Variants in CROCC observed in about 807,000 individuals in gnomAD.
The protein encoded by CROCC is rootletin.
CROCC carries 180 observed loss-of-function variants against 245.2 expected under a neutral mutation model. The ratio of observed to expected loss-of-function variants is 0.73; its 90% CI spans 0.65 to 0.83. The LOEUF is 0.83. Among genes scored for constraint, CROCC ranks in the 40% least tolerant of loss-of-function variants. The probability of loss-of-function intolerance (pLI) is 0.00; values close to 1 mark genes in which losing one functional copy is unlikely to be tolerated. For synonymous variants in CROCC, 1,205 were observed against 1,241.6 expected (o/e 0.97, Z 0.62); for missense variants, 2,688 against 2,779.4 (o/e 0.97, Z 0.74).
chr1:16,914,447 G>A (rs1231397953), intron 1 of CROCC, among the ~76,000 whole-genome samples: 2 of 152,274 alleles, frequency 1.3e-5, no homozygotes, highest in African/African-American at 2.4e-5. Context: ...GCGGCCGTGG[G>A]AGGCCCTCGC....
upstream of CROCC, among the ~76,000 whole-genome samples, chr1:16,917,489 A>AG (rs1282743375): frequency 1.3e-5 from 2 of 151,628 alleles, no homozygotes; most frequent in African/African-American, 4.8e-5. Context: ...GCAAGTTTGG[A>AG]GGGTGGTAGT....
chr1:16,947,625 G>A (rs1441398632), intron 17 of CROCC, among the ~76,000 whole-genome samples: 1 of 152,196 alleles, frequency 6.6e-6, no homozygotes, highest in Non-Finnish European at 1.5e-5. Context: ...GTCTATCCTG[G>A]AGCGCCTAGG....
In CROCC at chr1:16,924,495, G is replaced by A. The variant is rs1418519365; in HGVS notation, c.351+16G>A. ...CAGCGAGAGGGTGGGTGCCGCCCAG[G>A]TGGTGGACTAGGCCAGGGTTCCCCT... On this transcript the variant is annotated intron_variant, in intron 3 of 36. Transcript: ENST00000375541. The A allele has an allele frequency of 3.1e-6, 5 of 1,608,102 alleles. No individual in the cohort carries two copies. Among genetic ancestry groups the A allele is most frequent in the East Asian group, 4.5e-5 (2 of 44,782 alleles).
chr1:16,928,383 G>T (rs1394934516), intron 3 of CROCC, among the ~76,000 whole-genome samples: 1 of 152,282 alleles, frequency 6.6e-6, no homozygotes, highest in East Asian at 1.9e-4. Flanking sequence ...TCTATGGCTG[G>T]TAGGGACAGC....
At chr1:16,922,263 C>T (rs1272532521) in intron 1 of CROCC, among the ~76,000 whole-genome samples, 185 bp downstream of exon 1, 1 of 152,232 alleles carries the variant, frequency 6.6e-6, no homozygotes, top group East Asian at 1.9e-4. Context: ...ACAGGGTGCA[C>T]CTGCTGTGGC....
At position 16,970,357 on chromosome 1, in the gene CROCC, C is replaced by T. The variant is rs369288016; in HGVS notation, c.5556C>T (p.Arg1852=). The T allele has an allele frequency of 3.8e-5, 61 of 1,595,988 alleles. No homozygotes were observed. Among genetic ancestry groups the T allele is most frequent in the African/African-American group, 3.6e-4 (27 of 74,744 alleles). The change falls in exon 34 of 37, where the codon CGC becomes CGT. Residue 1852 remains arginine (R), a synonymous_variant. Coordinates refer to ENST00000375541, the MANE Select transcript of CROCC (RefSeq NM_014675.5). ...AGGAGCGCCTGGGAAGCCTGCAGCGCGCCCTGGCTCAGCTGGAAGCTGAGA... is the reference window on the plus strand; with the variant it reads ...AGGAGCGCCTGGGAAGCCTGCAGCGTGCCCTGGCTCAGCTGGAAGCTGAGA... ...LLQERLGSLQ[R]ALAQLEAEKR... is the part of the protein sequence containing the mutation.
chr1:16,955,287 C>T, intron 23 of CROCC, 25 bp from the exon 24 acceptor site: 1 of 1,602,656 alleles, frequency 6.2e-7, no homozygotes, highest in Non-Finnish European at 8.5e-7. Flanking sequence ...GACCGCTGCC[C>T]TGGGGACACC....
At chr1:16,915,869 T>C (rs1292305544) in intron 1 of CROCC, among the ~76,000 whole-genome samples, 1 of 152,190 alleles carries the variant, frequency 6.6e-6, no homozygotes, top group East Asian at 1.9e-4. Context: ...GCCTGCCTGG[T>C]GTTTGAGGAA....
At chr1:16,969,023 G>C (rs1217693738) in intron 31 of CROCC, 93 bp from the exon 32 acceptor site, 2 of 1,192,002 alleles carry the variant, frequency 1.7e-6, no homozygotes, top group Admixed American at 4.0e-5. Flanking sequence ...GGAAGGGTGT[G>C]GATTGGGCAT....
chr1:16,970,870 C>A (rs2076506353), intron 35 of CROCC, 103 bp downstream of exon 35: 2 of 1,350,838 alleles, frequency 1.5e-6, no homozygotes, highest in South Asian at 1.7e-5. Flanking sequence ...CCATAACCCC[C>A]TCCCCCAGGA....
chr1:16,967,176 A>T (rs961610841), intron 30 of CROCC, among the ~76,000 whole-genome samples: 7 of 152,228 alleles, frequency 4.6e-5, no homozygotes, highest in Non-Finnish European at 1.0e-4. Flanking sequence ...TCACAGGGTG[A>T]CACACACAGG....
rs139051207 is a variant in CROCC, at chr1:16,930,312, A to G, written c.648A>G (p.Glu216=). ...LRDTEHSQDL[E]SALIRLEEEQ... is the part of the protein sequence containing the mutation. The stretch of plus-strand genomic sequence containing the variant: ...ACACAGAGCACAGCCAAGACCTGGA[A>G]AGCGCCCTCATCCGGCTGGAGGAGG... The change falls in exon 6 of 37, where the codon GAA becomes GAG. Residue 216 remains glutamate (E), a synonymous_variant. Coordinates refer to ENST00000375541, the MANE Select transcript of CROCC (RefSeq NM_014675.5). 3,866 of 1,606,006 alleles carry G rather than the reference A, an allele frequency of 2.4e-3. No individual in the cohort carries two copies. The African/African-American group carries it at 0.048, about 20-fold the overall frequency.
chr1:16,968,493 C>T (rs955286449), intron 31 of CROCC, 75 bp downstream of exon 31: 4 of 1,366,222 alleles, frequency 2.9e-6, no homozygotes, highest in Non-Finnish European at 3.9e-6. Flanking sequence ...CTACGCAGTC[C>T]CCCAACAACC....
chr1:16,964,804 T>C (rs368695783), intron 27 of CROCC, among the ~76,000 whole-genome samples: 49 of 152,330 alleles, frequency 3.2e-4, no homozygotes, highest in African/African-American at 1.1e-3. Flanking sequence ...AACCTCAGCT[T>C]CTCGAATAGC....
In CROCC at chr1:16,961,068, G is replaced by T. The variant is rs1216456773; in HGVS notation, c.4343G>T (p.Arg1448Leu). 3.0e-6 allele frequency: 4 copies of T among 1,343,136 alleles called. No individual in the cohort carries two copies. The highest frequency in any genetic ancestry group is 7.3e-5 in the Admixed American group (2 of 27,408). The allele number at this position is 1,343,136 out of a possible 1,614,324, so 83.2% of individuals were successfully genotyped here. A position where few individuals can be genotyped will look rare whatever the true frequency, so the allele number is the denominator to read the frequency against. Reference protein sequence around the residue: ...SALRRGLGLGRAPSPAPRPVP... With the variant: ...SALRRGLGLGLAPSPAPRPVP... ...CTGCGCCGGGGCCTCGGCCTCGGTCGCGCGCCCAGCCCAGCCCCGCGGCCA... is the reference window on the plus strand; with the variant it reads ...CTGCGCCGGGGCCTCGGCCTCGGTCTCGCGCCCAGCCCAGCCCCGCGGCCA... Residue 1448 changes from arginine (R) to leucine (L), a missense_variant, in exon 27 of 37, where the codon CGC becomes CTC. Physicochemically the swap from Arg to Leu is moderately radical, Grantham distance 102. Coordinates refer to ENST00000375541, the MANE Select transcript of CROCC (RefSeq NM_014675.5).
At position 16,954,921 on chromosome 1, in the gene CROCC, C is replaced by T. The variant is rs568173687; in HGVS notation, c.3465+44C>T. On this transcript the variant is annotated intron_variant, in intron 23 of 36. Transcript: ENST00000375541. This position sits in a 1 kb window ranked among gnomAD's most constrained non-coding sequence, Gnocchi z 4.4. ...CTTCCAAGCAGCATACCCTAAATGG[C>T]ACTGTGTGCCTGGGGGCCTAGTTCC... 6.1e-6 allele frequency: 9 copies of T among 1,474,240 alleles called. No homozygotes were observed. The highest frequency in any genetic ancestry group is 2.8e-5 in the African/African-American group (2 of 71,024). The allele number at this position is 1,474,240 out of a possible 1,614,324, so 91.3% of individuals were successfully genotyped here. A position where few individuals can be genotyped will look rare whatever the true frequency, so the allele number is the denominator to read the frequency against.
intron 33 of CROCC, 83 bp downstream of exon 33, chr1:16,970,017 T>TCATCC (rs1302158482): frequency 5.4e-6 from 8 of 1,482,586 alleles, no homozygotes; most frequent in Non-Finnish European, 7.2e-6. Context: ...CATCTCAACC[T>TCATCC]CATCCCAAAC....
Position 16,939,114 on chromosome 1 carries a change from C to G in CROCC, c.1580C>G (p.Ala527Gly). 6.5e-7 allele frequency: 1 copy of G among 1,548,908 alleles called. No individual in the cohort carries two copies. Among genetic ancestry groups the G allele is most frequent in the South Asian group, 1.2e-5 (1 of 81,532 alleles). Residue 527 changes from alanine to glycine, a missense_variant, in exon 12 of 37, where the codon GCC (alanine) becomes GGC (glycine). Ala to Gly is a moderately conservative substitution (Grantham distance 60). Around this residue, in one of 9 missense-constraint regions of CROCC, gnomAD observed 972 missense variants for 895.3 expected, o/e 1.09. Transcript: ENST00000375541. ...TCCACGCTCGCCCTGATCCACTCCG[C>G]CCTGCACAAGCGCCAGCTGCAGGTC... is the stretch of plus-strand genomic sequence containing the variant. ...DSSTLALIHSALHKRQLQVQD... is the reference protein window; with the variant it reads ...DSSTLALIHSGLHKRQLQVQD...
At position 16,970,265 on chromosome 1, in the gene CROCC, C is replaced by T. The variant is rs1357833872; in HGVS notation, c.5464C>T (p.Arg1822Trp). 8 of 1,558,724 alleles carry T rather than the reference C, an allele frequency of 5.1e-6. No individual in the cohort carries two copies. The highest frequency in any genetic ancestry group is 3.7e-5 in the Admixed American group (2 of 53,940). ...GCTTCTGTTGCAGGTGCTGCGGCAG[C>T]GGCAGGAGGGTGAGGCTGCAGCCCT... ...LQQLREVLRQRQEGEAAALNT... is the reference protein window; with the variant it reads ...LQQLREVLRQWQEGEAAALNT... The change falls in exon 34 of 37, where the codon CGG becomes TGG. Residue 1822 changes from arginine to tryptophan, a missense_variant. This residue lies in a region of CROCC where 1,218 missense variants were observed against 1,286.3 expected (regional missense o/e 0.95). Coordinates refer to ENST00000375541, the MANE Select transcript of CROCC (RefSeq NM_014675.5).
Sources: gnomAD v4.1 joint callset for allele counts (sites outside exome capture counted in the v4.1 genomes callset) on GRCh38, gnomAD v4.1.1 for gene constraint, gnomAD v4.1.1 regional missense constraint, Gnocchi (gnomAD v3.1) non-coding constraint, MANE v1.5 for transcripts, NCBI Gene and HGNC (gene_info 2026-07-23, HGNC 2026-07-21) for gene names.